The following KRT72 variants were observed in gnomAD, a reference collection of about 807,000 sequenced individuals.
KRT72 encodes the protein keratin, type II cytoskeletal 72.
In KRT72, 44 loss-of-function variants were observed where a neutral mutation model predicts 44.7. That is an observed-to-expected ratio of 0.98 (90% confidence interval 0.77 to 1.27). The LOEUF is 1.27. KRT72 is among the 50% of genes most tolerant of loss of function. The pLI, the probability that KRT72 is intolerant of heterozygous loss-of-function variation, is 0.00. For synonymous variants in KRT72, 302 were observed against 280.4 expected, an observed-to-expected ratio of 1.08 and a Z score of -0.77; for missense variants, 736 against 667.1, an observed-to-expected ratio of 1.10 and a Z score of -1.14.
rs771684225 is a variant in KRT72, at chr12:52,586,160, C to T, written c.1358G>A (p.Ser453Asn). Residue 453 changes from serine (S) to asparagine (N), a missense_variant, in exon 9 of 9, where the codon AGC (serine) becomes AAC (asparagine). Ser to Asn is a conservative substitution (Grantham distance 46). Coordinates refer to ENST00000293745, the MANE Select transcript of KRT72 (RefSeq NM_080747.3). ...PNSVSISVIS[S>N]TNAGAGGAGF... is the part of the protein sequence containing the mutation. ...AGCCCCTCCTGCCCCAGCATTGGTG[C>T]TGCTGATGACGGCTGGAATGGATGA... is the stretch of plus-strand genomic sequence containing the variant. 12 of 1,613,498 alleles carry T rather than the reference C, an allele frequency of 7.4e-6. No individual in the cohort carries two copies. The highest frequency in any genetic ancestry group is 2.2e-5 in the East Asian group (1 of 44,882).
rs1341561893 is a variant in KRT72, at chr12:52,601,019, G to C, written c.426+8C>G. ...AACGCAGGGACAGGCCAATGCCCGA[G>C]GACTCACCTTGTCGATGAAGGAGGC... On this transcript the variant is annotated splice_region_variant and intron_variant, in intron 1 of 8. Coordinates refer to ENST00000293745, the MANE Select transcript of KRT72 (RefSeq NM_080747.3). 6.2e-7 allele frequency: 1 copy of C among 1,611,302 alleles called. No individual in the cohort carries two copies. The highest frequency in any genetic ancestry group is 8.5e-7 in the Non-Finnish European group (1 of 1,179,108).
intron 2 of KRT72, among the ~76,000 whole-genome samples, chr12:52,596,946 G>C: frequency 6.6e-6 from 1 of 152,098 alleles, no homozygotes; most frequent in South Asian, 2.1e-4. Flanking sequence ...GGGGAAAGTG[G>C]GATGAAAATT....
At chr12:52,594,614 G>T (rs565886861) in intron 2 of KRT72, among the ~76,000 whole-genome samples, 31 of 149,530 alleles carry the variant, frequency 2.1e-4, no homozygotes, top group African/African-American at 7.4e-4. Flanking sequence ...GTTGTGGGGT[G>T]GGGGGAGGGA....
At chr12:52,596,570 T>A (rs1452378370) in intron 2 of KRT72, among the ~76,000 whole-genome samples, 1 of 151,748 alleles carries the variant, frequency 6.6e-6, no homozygotes. Context: ...TTTTTTTTTT[T>A]AGACAGAATC....
chr12:52,589,682 A>G (rs1939921405), intron 6 of KRT72, among the ~76,000 whole-genome samples: 1 of 152,172 alleles, frequency 6.6e-6, no homozygotes, highest in Non-Finnish European at 1.5e-5. Context: ...AAGGGCAGGA[A>G]GCACCTTAGC....
At position 52,592,891 on chromosome 12, in the gene KRT72, C is replaced by A; in HGVS notation, c.702+1G>T. ...TCCAGCCCACCTGGCACCCCTCTTA[C>A]CTTCTTGAGCACCACAAACTCATTC... On this transcript the variant is annotated splice_donor_variant, in intron 3 of 8. Coordinates refer to ENST00000293745, the MANE Select transcript of KRT72 (RefSeq NM_080747.3). LOFTEE classifies it high-confidence loss of function. 1 of 1,613,794 alleles carries A rather than the reference C, an allele frequency of 6.2e-7. No individual in the cohort carries two copies. The highest frequency in any genetic ancestry group is 8.5e-7 in the Non-Finnish European group (1 of 1,179,830).
In KRT72 at chr12:52,594,255, C is replaced by G. The variant is rs574042034; in HGVS notation, c.642-1303G>C. On this transcript the variant is annotated intron_variant, in intron 2 of 8. Transcript: ENST00000293745. Reference sequence around the variant, plus strand: ...ACCATTTGACCCAGCCATCCCATTACCGGGTATATACTCAAAGGATTATAA... The same window carrying G: ...ACCATTTGACCCAGCCATCCCATTAGCGGGTATATACTCAAAGGATTATAA... Among the ~76,000 whole-genome samples the G allele has an allele frequency of 2.0e-4, 30 of 152,256 alleles. 1 individual carries two copies. The highest frequency in any genetic ancestry group is 7.2e-4 in the African/African-American group (30 of 41,550).
chr12:52,589,737 G>A (rs1336236163), intron 6 of KRT72, among the ~76,000 whole-genome samples: 1 of 152,124 alleles, frequency 6.6e-6, no homozygotes, highest in African/African-American at 2.4e-5. Flanking sequence ...AGCATTGCGA[G>A]GGATCCCCAT....
At position 52,601,183 on chromosome 12, in the gene KRT72, G is replaced by C. The variant is rs144575776; in HGVS notation, c.270C>G (p.Ser90=). 63 of 1,613,060 alleles carry C rather than the reference G, an allele frequency of 3.9e-5. No individual in the cohort carries two copies. In the African/African-American group the frequency reaches 7.6e-4, roughly 19 times the overall value. The part of the protein sequence containing the change: ...GSAGLGPKCP[S]VCPPGGIPQV... The stretch of plus-strand genomic sequence containing the variant: ...GAGGGATGCCCCCGGGTGGGCACAC[G>C]GAGGGACACTTGGGCCCCAGCCCGG... Residue 90 remains serine (S), a synonymous_variant, in exon 1 of 9, where the codon TCC becomes TCG. Transcript: ENST00000293745.
At chr12:52,590,703 T>C (rs752062984) in intron 6 of KRT72, 133 bp downstream of exon 6, 12 of 851,274 alleles carry the variant, frequency 1.4e-5, no homozygotes, top group South Asian at 5.5e-5. Context: ...CCATATCTGT[T>C]CAGATCATCC....
In KRT72 at chr12:52,591,505, G is replaced by T. The variant is rs148734204; in HGVS notation, c.922C>A (p.Leu308Ile). 2 of 1,614,094 alleles carry T rather than the reference G, an allele frequency of 1.2e-6. No homozygotes were observed. Among genetic ancestry groups the T allele is most frequent in the Non-Finnish European group, 1.7e-6 (2 of 1,179,968 alleles). Residue 308 changes from leucine (L) to isoleucine (I), a missense_variant, in exon 5 of 9, where the codon CTA (leucine) becomes ATA (isoleucine). Physicochemically the swap from Leu to Ile is conservative, Grantham distance 5. Transcript: ENST00000293745. ...EVRAQYEEIA[L>I]KSKAEAETLY... The stretch of plus-strand genomic sequence containing the variant: ...GTCTCAGCCTCGGCCTTGCTCTTTA[G>T]GGCAATCTCCTCGTACTGGGCACGG...
chr12:52,600,467 T>G (rs1940387072), intron 1 of KRT72, among the ~76,000 whole-genome samples: 1 of 152,184 alleles, frequency 6.6e-6, no homozygotes, highest in African/African-American at 2.4e-5. Flanking sequence ...AAATCTCAAC[T>G]TGAATTAAGT....
chr12:52,599,204 T>C, intron 1 of KRT72, 92 bp from the exon 2 acceptor site: 1 of 1,165,390 alleles, frequency 8.6e-7, no homozygotes, highest in Admixed American at 1.9e-5. Flanking sequence ...GCAGCCATCC[T>C]GGGGGACTGG....
chr12:52,593,018 C>T (rs1940108225), intron 2 of KRT72, 66 bp from the exon 3 acceptor site: 3 of 1,460,578 alleles, frequency 2.1e-6, no homozygotes, highest in Non-Finnish European at 2.8e-6. Flanking sequence ...TAGTGACCAC[C>T]TCTGTGCTGA....
intron 2 of KRT72, among the ~76,000 whole-genome samples, chr12:52,596,243 C>T (rs1940221791): frequency 6.6e-6 from 1 of 152,108 alleles, no homozygotes; most frequent in South Asian, 2.1e-4. Context: ...TGCAAAACTC[C>T]TTCCATTAAA....
At chr12:52,602,185 G>A (rs1174567073), upstream of KRT72, among the ~76,000 whole-genome samples, 1 of 152,200 alleles carries the variant, frequency 6.6e-6, no homozygotes, top group East Asian at 1.9e-4. Context: ...GAGGGAAGAA[G>A]GCCTGGGGAG....
At chr12:52,591,372 A>G in intron 5 of KRT72, 92 bp downstream of exon 5, 1 of 1,385,770 alleles carries the variant, frequency 7.2e-7, no homozygotes, top group Non-Finnish European at 9.9e-7. Flanking sequence ...ACACACACAC[A>G]CAAACACACG....
chr12:52,598,437 T>C (rs1418858606), intron 2 of KRT72, among the ~76,000 whole-genome samples: 1 of 152,220 alleles, frequency 6.6e-6, no homozygotes, highest in East Asian at 1.9e-4. Flanking sequence ...AACCTCTGGT[T>C]CCATCTCATT....
intron 2 of KRT72, among the ~76,000 whole-genome samples, chr12:52,596,335 A>T (rs1940225115): frequency 6.6e-6 from 1 of 152,210 alleles, no homozygotes; most frequent in South Asian, 2.1e-4. Context: ...TCAGCTCAAT[A>T]AGAATCAATA....
Sources: allele counts gnomAD v4.1 joint callset (sites outside exome capture counted in the v4.1 genomes callset), GRCh38; gene constraint gnomAD v4.1.1; transcripts MANE v1.5; gene names NCBI Gene and HGNC (gene_info 2026-07-23, HGNC 2026-07-21).